The following PLCE1 variants were observed in gnomAD, a reference collection of about 807,000 sequenced individuals.
PLCE1 encodes 1-phosphatidylinositol 4,5-bisphosphate phosphodiesterase epsilon-1.
A neutral mutation model predicts 242.8 loss-of-function variants in PLCE1; 119 were observed. The ratio of observed to expected loss-of-function variants is 0.49; its 90% CI spans 0.42 to 0.57. The LOEUF (loss-of-function observed/expected upper bound fraction) is 0.57, where lower values mean the gene tolerates loss of function less well. Among genes scored for constraint, PLCE1 ranks in the 20% least tolerant of loss-of-function variants. The pLI is 0.00. For synonymous variants in PLCE1, 945 were observed against 1,017.4 expected, an observed-to-expected ratio of 0.93 and a Z score of 1.35; for missense variants, 2,441 against 2,788.8, an observed-to-expected ratio of 0.88 and a Z score of 2.81.
At chr10:94,152,433 C>T (rs2047304385) in intron 3 of PLCE1, among the ~76,000 whole-genome samples, 1 of 152,146 alleles carries the variant, frequency 6.6e-6, no homozygotes, top group Admixed American at 6.5e-5. Flanking sequence ...AGGTTTTGGT[C>T]CCATTTCAGT....
At chr10:94,152,543 C>CTCCAA in intron 3 of PLCE1, among the ~76,000 whole-genome samples, 1 of 152,220 alleles carries the variant, frequency 6.6e-6, no homozygotes, top group Non-Finnish European at 1.5e-5. Flanking sequence ...GAGTCACCTG[C>CTCCAA]ATGTGATTCA....
At chr10:94,105,888 A>G (rs2045712101) in intron 2 of PLCE1, 1 of 152,202 alleles carries the variant, frequency 6.6e-6, no homozygotes, top group Non-Finnish European at 1.5e-5. Context: ...CAACTTATTG[A>G]GTGTTTATGC....
At chr10:94,020,358 A>AT (rs2061355214) in intron 1 of PLCE1, among the ~76,000 whole-genome samples, 1 of 152,160 alleles carries the variant, frequency 6.6e-6, no homozygotes, top group Non-Finnish European at 1.5e-5. Context: ...AATTTGTCTT[A>AT]TGATTGAGCT....
At chr10:94,240,743 A>ACGGTT (rs2050479088) in intron 7 of PLCE1, among the ~76,000 whole-genome samples, 1 of 152,318 alleles carries the variant, frequency 6.6e-6, no homozygotes, top group Non-Finnish European at 1.5e-5. Flanking sequence ...TTATCTGTCT[A>ACGGTT]CGGTTTCTAA....
At chr10:94,040,806 C>T (rs953848665) in intron 2 of PLCE1, among the ~76,000 whole-genome samples, 1 of 152,010 alleles carries the variant, frequency 6.6e-6, no homozygotes, top group Non-Finnish European at 1.5e-5. Flanking sequence ...AGAGTGGCTT[C>T]TGCATTTTTA....
intron 28 of PLCE1, among the ~76,000 whole-genome samples, chr10:94,313,773 T>C (rs1462805799): frequency 6.6e-6 from 1 of 152,134 alleles, no homozygotes; most frequent in Non-Finnish European, 1.5e-5. Flanking sequence ...AATCAGAATT[T>C]GCACATTAGG....
At chr10:94,316,373 TAAAC>T (rs946580152) in intron 28 of PLCE1, among the ~76,000 whole-genome samples, 170 bp from the exon 29 acceptor site, 44 of 152,184 alleles carry the variant, frequency 2.9e-4, no homozygotes, top group African/African-American at 9.9e-4. Context: ...GGAGTGAACA[TAAAC>T]AATCCATTCT....
At position 94,187,144 on chromosome 10, in the gene PLCE1, A is replaced by ATG. The variant is rs1247441669; in HGVS notation, c.1809+15649_1809+15650insGT. 1.3e-4 allele frequency among the ~76,000 whole-genome samples: 16 copies of ATG among 125,930 alleles called. No individual in the cohort carries two copies. The East Asian group carries it at 1.7e-3, about 13-fold the overall frequency. 82.6% of individuals were successfully genotyped at this position (125,930 alleles called of 152,430 possible). A position where few individuals can be genotyped will look rare whatever the true frequency, so the allele number is the denominator to read the frequency against. On this transcript the variant is annotated intron_variant, in intron 4 of 32. Transcript: ENST00000371380. The stretch of plus-strand genomic sequence containing the variant: ...AAGTGGCTAAGCCAAGATGAAACAT[A>ATG]TATGTGTGTGTGTGTGTGTGTGTGT...
chr10:94,254,085 G>C, intron 9 of PLCE1, 105 bp from the exon 10 acceptor site: 1 of 815,278 alleles, frequency 1.2e-6, no homozygotes, highest in Non-Finnish European at 2.2e-6. Context: ...CCAGGAAGAG[G>C]CAGTATTGAA....
At chr10:94,077,881 A>G (rs1302514138) in intron 2 of PLCE1, among the ~76,000 whole-genome samples, 3 of 152,260 alleles carry the variant, frequency 2.0e-5, no homozygotes, top group Non-Finnish European at 2.9e-5. Context: ...ATCTGAGGAT[A>G]GGGACTTTAT....
chr10:94,039,710 G>A (rs1174462238), intron 2 of PLCE1, among the ~76,000 whole-genome samples: 2 of 152,136 alleles, frequency 1.3e-5, no homozygotes, highest in Admixed American at 6.6e-5. Flanking sequence ...CTTGAACAGT[G>A]TTTCTTATTG....
rs577813844 is a variant in PLCE1 at position 94,286,957 on chromosome 10, A to G, written c.5035+1992A>G. 4.6e-5 allele frequency: 7 copies of G among 152,348 alleles called. 1 individual carries two copies. In the East Asian group the frequency reaches 1.3e-3, roughly 29 times the overall value. The allele number at this position is 152,348 out of a possible 1,614,324, so 9.4% of individuals were successfully genotyped here. A position where few individuals can be genotyped will look rare whatever the true frequency, so the allele number is the denominator to read the frequency against. On this transcript the variant is annotated intron_variant, in intron 22 of 32. Transcript: ENST00000371380. ...ATTCTTTATAAATGCAGCGGATGCCACACTCGGACCATTCCACTGGCTTTG... is the reference window on the plus strand; with the variant it reads ...ATTCTTTATAAATGCAGCGGATGCCGCACTCGGACCATTCCACTGGCTTTG...
At chr10:94,214,300 C>T (rs1381867927) in intron 4 of PLCE1, among the ~76,000 whole-genome samples, 2 of 152,174 alleles carry the variant, frequency 1.3e-5, no homozygotes, top group African/African-American at 4.8e-5. Context: ...AGCTCACAGC[C>T]CCAGAGCTGC....
intron 28 of PLCE1, chr10:94,315,169 C>A: frequency 3.3e-6 from 1 of 300,620 alleles, no homozygotes; most frequent in Non-Finnish European, 6.6e-6. Context: ...TTTGAGTCAA[C>A]AGCATTTCAT....
chr10:94,175,043 T>G (rs537888968), intron 4 of PLCE1, among the ~76,000 whole-genome samples: 66 of 152,202 alleles, frequency 4.3e-4, no homozygotes, highest in African/African-American at 1.6e-3. Context: ...AAATCTAAAA[T>G]TACTTCAAAA....
At chr10:94,033,738 T>A (rs928587019) in intron 2 of PLCE1, among the ~76,000 whole-genome samples, 1 of 152,160 alleles carries the variant, frequency 6.6e-6, no homozygotes, top group Non-Finnish European at 1.5e-5. Context: ...TGGATTTTTT[T>A]ATCCTGAAAA....
intron 2 of PLCE1, among the ~76,000 whole-genome samples, chr10:94,071,966 T>C (rs1478106578): frequency 6.6e-6 from 1 of 152,210 alleles, no homozygotes; most frequent in African/African-American, 2.4e-5. Flanking sequence ...TGGATGGTGT[T>C]TGAGTAAGAG....
At position 94,220,376 on chromosome 10, in the gene PLCE1, T is replaced by TTATATATATATATATATA. The variant is rs59633337; in HGVS notation, c.1810-6904_1810-6887dup. 9.9e-4 allele frequency among the ~76,000 whole-genome samples: 61 copies of TTATATATATATATATATA among 61,872 alleles called. 2 individuals carry two copies. The highest frequency in any genetic ancestry group is 3.0e-3 in the East Asian group (2 of 674). The allele number at this position is 61,872 out of a possible 152,430, so 40.6% of individuals were successfully genotyped here. A position where few individuals can be genotyped will look rare whatever the true frequency, so the allele number is the denominator to read the frequency against. On this transcript the variant is annotated intron_variant, in intron 4 of 32. Coordinates refer to ENST00000371380, the MANE Select transcript of PLCE1 (RefSeq NM_016341.4). ...AATAAAAGCTTAAAAACTAAACATT[T>TTATATATATATATATATA]TATATATATATATATATATATATAT...
At chr10:94,078,556 C>A (rs1333875515) in intron 2 of PLCE1, among the ~76,000 whole-genome samples, 1 of 151,850 alleles carries the variant, frequency 6.6e-6, no homozygotes, top group East Asian at 1.9e-4. Context: ...GGTGCGATCT[C>A]AACTCACTGC....
Sources: allele counts gnomAD v4.1 joint callset (sites outside exome capture counted in the v4.1 genomes callset), GRCh38; gene constraint gnomAD v4.1.1; transcripts MANE v1.5; gene names NCBI Gene and HGNC (gene_info 2026-07-23, HGNC 2026-07-21).